Variants in ZNF682 observed in about 807,000 individuals in gnomAD.
The protein encoded by ZNF682 is zinc finger protein 682.
In ZNF682, 29 loss-of-function variants were observed where a neutral mutation model predicts 36.5. That is an observed-to-expected ratio of 0.80 (90% CI 0.59 to 1.08). ZNF682 has a LOEUF of 1.08. Ranked by LOEUF, ZNF682 falls within the 50% of genes least tolerant of loss-of-function variation. The probability of loss-of-function intolerance (pLI) is 0.00; values close to 1 mark genes in which losing one functional copy is unlikely to be tolerated. For synonymous variants in ZNF682, 180 were observed against 197.0 expected (o/e 0.91, Z 0.72); for missense variants, 561 against 579.7 (o/e 0.97, Z 0.33).
chr19:20,033,685 TG>T (rs1266364372), intron 1 of ZNF682: 2 of 152,600 alleles, frequency 1.3e-5, no homozygotes, highest in Non-Finnish European at 2.9e-5. Flanking sequence ...CTCGAGTAGC[TG>T]GGACTACAGG....
Position 20,006,374 on chromosome 19 carries a change from T to G in ZNF682, c.1128A>C (p.Lys376Asn). 3 of 1,613,224 alleles carry G rather than the reference T, an allele frequency of 1.9e-6. No individual in the cohort carries two copies. Among genetic ancestry groups the G allele is most frequent in the Non-Finnish European group, 2.5e-6 (3 of 1,179,836 alleles). The change falls in exon 4 of 4, where the codon AAA (lysine) becomes AAC (asparagine). Residue 376 changes from lysine to asparagine, a missense_variant. By Grantham distance (94) the Lys-to-Asn change is moderately conservative. Transcript: ENST00000397165. ...TAAGGTATGAGAACCTCTTAAAGAC[T>G]TTGTCACATTTTTCACATTTGTAGG... ...EKPYKCEKCD[K>N]VFKRFSYLTK... is the part of the protein sequence containing the mutation.
intron 1 of ZNF682, among the ~76,000 whole-genome samples, chr19:20,035,359 G>A (rs1366941669): frequency 6.6e-6 from 1 of 151,922 alleles, no homozygotes; most frequent in Non-Finnish European, 1.5e-5. Flanking sequence ...CCGAGTAGCT[G>A]AGATTACAGG....
rs1271773322 is a variant in ZNF682 at position 20,005,526 on chromosome 19, G to T, written c.*479C>A. The T allele has an allele frequency of 6.5e-6, 1 of 154,628 alleles. No individual in the cohort carries two copies. Among genetic ancestry groups the T allele is most frequent in the Non-Finnish European group, 1.4e-5 (1 of 69,688 alleles). 9.6% of individuals were successfully genotyped at this position (154,628 alleles called of 1,614,324 possible). Reference sequence around the variant, plus strand: ...AATTCTCCTATGTACAACAAAATCTGTAACATAAGTAAAAGTATTGCAACA... The same window carrying T: ...AATTCTCCTATGTACAACAAAATCTTTAACATAAGTAAAAGTATTGCAACA... On this transcript the variant is annotated 3_prime_UTR_variant, in exon 4 of 4. Coordinates refer to ENST00000397165, the MANE Select transcript of ZNF682 (RefSeq NM_033196.3).
intron 3 of ZNF682, among the ~76,000 whole-genome samples, chr19:20,016,501 T>C (rs2088335627): frequency 6.6e-6 from 1 of 151,978 alleles, no homozygotes; most frequent in South Asian, 2.1e-4. Flanking sequence ...TAAAAAACTA[T>C]TAAAAGTATT....
intron 3 of ZNF682, among the ~76,000 whole-genome samples, chr19:19,998,806 A>G (rs910587507): frequency 6.6e-6 from 1 of 152,132 alleles, no homozygotes; most frequent in South Asian, 2.1e-4. Flanking sequence ...TTGCCTTTTC[A>G]GTTTGAGGAA....
At position 20,005,900 on chromosome 19, in the gene ZNF682, G is replaced by T; in HGVS notation, c.*105C>A. 9.0e-7 allele frequency: 1 copy of T among 1,108,286 alleles called. No individual in the cohort carries two copies. Among genetic ancestry groups the T allele is most frequent in the Non-Finnish European group, 1.3e-6 (1 of 775,552 alleles). The allele number at this position is 1,108,286 out of a possible 1,614,324, so 68.7% of individuals were successfully genotyped here. ...TCCCCACATTCTTCACATTTGTAGT[G>T]TTTCTCTCCAGTATGAATTATCTTG... is the stretch of plus-strand genomic sequence containing the variant. On this transcript the variant is annotated 3_prime_UTR_variant, in exon 4 of 4. Coordinates refer to ENST00000397165, the MANE Select transcript of ZNF682 (RefSeq NM_033196.3).
chr19:20,039,095 T>A (rs777420631), intron 1 of ZNF682: 1 of 1,358,982 alleles, frequency 7.4e-7, no homozygotes, highest in Non-Finnish European at 9.5e-7. Context: ...CGCGCGCGGC[T>A]CTTCCCAGGG....
downstream of ZNF682, among the ~76,000 whole-genome samples, chr19:20,001,376 C>T (rs909903270): frequency 2.0e-5 from 3 of 152,182 alleles, no homozygotes; most frequent in South Asian, 2.1e-4. Flanking sequence ...GACTACTTTA[C>T]GCATGTTCCT....
At chr19:20,018,206 G>T (rs950123574) in intron 3 of ZNF682, among the ~76,000 whole-genome samples, 1 of 139,038 alleles carries the variant, frequency 7.2e-6, no homozygotes, top group African/African-American at 2.7e-5. Flanking sequence ...CCATTCTCCC[G>T]CCTCAGCCTC....
intron 1 of ZNF682, among the ~76,000 whole-genome samples, chr19:20,024,883 A>G (rs1179667910): frequency 6.6e-6 from 1 of 152,228 alleles, no homozygotes; most frequent in Admixed American, 6.5e-5. Context: ...AATCACTATA[A>G]AATTAAGGGC....
chr19:20,019,863 C>G (rs1009366853), intron 3 of ZNF682, among the ~76,000 whole-genome samples: 6 of 151,894 alleles, frequency 4.0e-5, no homozygotes, highest in Admixed American at 3.3e-4. Context: ...ACTTCACCAC[C>G]ATGCAATCTA....
At position 20,007,010 on chromosome 19, in the gene ZNF682, G is replaced by A. The variant is rs1194640714; in HGVS notation, c.492C>T (p.Asn164=). 6.2e-7 allele frequency: 1 copy of A among 1,613,040 alleles called. No homozygotes were observed. The highest frequency in any genetic ancestry group is 8.5e-7 in the Non-Finnish European group (1 of 1,179,410). Residue 164 remains asparagine, a synonymous_variant, in exon 4 of 4, where the codon AAC becomes AAT. Transcript: ENST00000397165. ...AAAGTTTCTCTGTAGTATGTCTTAT[G>A]TTTTCTCTATTTAGATTTGATGATT... The part of the protein sequence containing the change: ...FSKSSNLNRE[N]IRHTTEKLFK...
chr19:20,031,797 C>G (rs2088482031), intron 1 of ZNF682, among the ~76,000 whole-genome samples: 1 of 152,046 alleles, frequency 6.6e-6, no homozygotes, highest in East Asian at 1.9e-4. Flanking sequence ...AAAAAATTAG[C>G]CAGGCGAGGT....
At chr19:20,039,236 A>T (rs1568549659) in intron 1 of ZNF682, 107 bp downstream of exon 1, 3 of 1,543,356 alleles carry the variant, frequency 1.9e-6, no homozygotes, top group Non-Finnish European at 2.6e-6. Flanking sequence ...TCCAGTCCGC[A>T]GACTCCGGAG....
At position 20,006,898 on chromosome 19, in the gene ZNF682, TGCAGAGTTTC is replaced by T. The variant is rs1568537792; in HGVS notation, c.594_603del (p.Lys199TyrfsTer160). On this transcript the variant is annotated frameshift_variant, in exon 4 of 4. Transcript: ENST00000397165. LOFTEE classifies it high-confidence loss of function. Reference sequence around the variant, plus strand: ...AAGGTTTTGCCACATTCCTCACATATGCAGAGTTTCTCTTCAGTGTGAATTATCTTATGAT... The same window carrying T: ...AAGGTTTTGCCACATTCCTCACATATTCTTCAGTGTGAATTATCTTATGAT... The T allele has an allele frequency of 6.2e-7, 1 of 1,614,080 alleles. No homozygotes were observed. Among genetic ancestry groups the T allele is most frequent in the Non-Finnish European group, 8.5e-7 (1 of 1,179,954 alleles).
At chr19:20,003,177 C>A (rs2088181676), downstream of ZNF682, among the ~76,000 whole-genome samples, 1 of 75,532 alleles carries the variant, frequency 1.3e-5, no homozygotes, top group Non-Finnish European at 2.3e-5. Flanking sequence ...GGCGACAGAG[C>A]AAGACTCCGT....
At chr19:19,996,401 T>C (rs201189249), downstream of ZNF682, among the ~76,000 whole-genome samples, 1 of 152,224 alleles carries the variant, frequency 6.6e-6, no homozygotes, top group African/African-American at 2.4e-5. Context: ...ATAGCAGCAC[T>C]ATTTGCAATT....
intron 3 of ZNF682, among the ~76,000 whole-genome samples, chr19:20,012,767 C>CAAAAA (rs35481536): frequency 4.8e-5 from 4 of 83,714 alleles, no homozygotes; most frequent in African/African-American, 9.3e-5. Flanking sequence ...GACTCCGTCT[C>CAAAAA]AAAAAAAAAA....
intron 1 of ZNF682, among the ~76,000 whole-genome samples, chr19:20,036,900 G>A (rs2088535905): frequency 2.0e-5 from 3 of 151,502 alleles, no homozygotes; most frequent in Non-Finnish European, 4.4e-5. Context: ...TAGCAAGACT[G>A]CTTAAGCCCA....
Sources: allele counts gnomAD v4.1 joint callset (sites outside exome capture counted in the v4.1 genomes callset), GRCh38; gene constraint gnomAD v4.1.1; transcripts MANE v1.5; gene names NCBI Gene and HGNC (gene_info 2026-07-23, HGNC 2026-07-21).